The following CCDC77 variants were observed in gnomAD, a reference collection of about 807,000 sequenced individuals.
The protein encoded by CCDC77 is coiled-coil domain containing 77.
CCDC77 carries 56 observed loss-of-function variants against 66.8 expected under a neutral mutation model. The observed-to-expected ratio is 0.84, with a 90% CI of 0.68 to 1.05. CCDC77 has a LOEUF of 1.05. Ranked by LOEUF, CCDC77 falls within the 50% of genes least tolerant of loss-of-function variation. The probability of loss-of-function intolerance (pLI) is 0.00; values close to 1 mark genes in which losing one functional copy is unlikely to be tolerated. For synonymous variants in CCDC77, 196 were observed against 195.2 expected, an observed-to-expected ratio of 1.00 and a Z score of -0.03; for missense variants, 570 against 576.8, an observed-to-expected ratio of 0.99 and a Z score of 0.12.
At chr12:395,016 G>C (rs1944807887) in intron 1 of CCDC77, 1 of 152,154 alleles carries the variant, frequency 6.6e-6, no homozygotes. Flanking sequence ...TTTTTTTAAA[G>C]TGGAGAAAGT....
upstream of CCDC77, among the ~76,000 whole-genome samples, chr12:399,130 C>T (rs561307467): frequency 6.2e-4 from 95 of 152,148 alleles, no homozygotes; most frequent in Admixed American, 1.2e-3. Context: ...TTGCCCAGAT[C>T]CACCAGAGAA....
At chr12:418,906 C>T in intron 5 of CCDC77, 1 of 347,356 alleles carries the variant, frequency 2.9e-6, no homozygotes, top group Non-Finnish European at 5.3e-6. Context: ...GCCCTGTCAG[C>T]CACGCTGGTC....
At chr12:406,147 C>A (rs1944985521) in intron 2 of CCDC77, among the ~76,000 whole-genome samples, 2 of 152,188 alleles carry the variant, frequency 1.3e-5, no homozygotes, top group South Asian at 4.1e-4. Flanking sequence ...TGGACTCAAG[C>A]AGTCTATCCG....
upstream of CCDC77, among the ~76,000 whole-genome samples, chr12:397,722 C>T (rs191908419): frequency 2.0e-5 from 3 of 151,970 alleles, no homozygotes; most frequent in African/African-American, 7.3e-5. Flanking sequence ...TCTCAGCTCA[C>T]TGCAGCCTCT....
rs1035860738 is a variant in CCDC77, at chr12:402,159, G to A, written c.-71+475G>A. On this transcript the variant is annotated intron_variant, in intron 1 of 12. Transcript: ENST00000239830. ...AGCTATAAGAATATATCTAAGCAAG[G>A]GTATTGGAGATAGGTGCAGAGACCC... Among the ~76,000 whole-genome samples the A allele has an allele frequency of 3.3e-5, 5 of 152,280 alleles. No individual in the cohort carries two copies. In the South Asian group the frequency reaches 1.0e-3, roughly 32 times the overall value.
rs75822891 is a variant in CCDC77 at position 442,228 on chromosome 12, A to C, written c.*308A>C. The C allele has an allele frequency of 0.021, 4,395 of 212,854 alleles. 65 individuals carry two copies. The highest frequency in any genetic ancestry group is 0.039 in the Middle Eastern group (22 of 566). 13.2% of individuals were successfully genotyped at this position (212,854 alleles called of 1,614,324 possible). ...TTTGTTTTTTCAGAAGGCAGTGATG[A>C]TGAAAACTTAGGAAGAAGGTATTTT... is the stretch of plus-strand genomic sequence containing the variant. On this transcript the variant is annotated 3_prime_UTR_variant, in exon 13 of 13. Transcript: ENST00000239830.
In CCDC77 at chr12:440,847, C is replaced by T. The variant is rs189099875; in HGVS notation, c.1171C>T (p.Arg391Cys). Reference sequence around the variant, plus strand: ...CCTTCCCATTCCCCATATTTAGGATCGCACTAACAAGATGGGGAAGCGTTT... The same window carrying T: ...CCTTCCCATTCCCCATATTTAGGATTGCACTAACAAGATGGGGAAGCGTTT... ...EGMRREIFKDRTNKMGKRLQI... is the reference protein window; with the variant it reads ...EGMRREIFKDCTNKMGKRLQI... The change falls in exon 12 of 13, where the codon CGC becomes TGC. Residue 391 changes from arginine (R) to cysteine (C), a missense_variant. Physicochemically the swap from Arg to Cys is radical, Grantham distance 180. Coordinates refer to ENST00000239830, the MANE Select transcript of CCDC77 (RefSeq NM_032358.4). 318 of 1,613,380 alleles carry T rather than the reference C, an allele frequency of 2.0e-4. No individual in the cohort carries two copies. The Middle Eastern group carries it at 2.1e-3, about 11-fold the overall frequency.
rs1391610978 is a variant in CCDC77, at chr12:418,502, TG to T, written c.280del (p.Glu94AsnfsTer18). On this transcript the variant is annotated frameshift_variant, in exon 5 of 13. Transcript: ENST00000239830. LOFTEE classifies it high-confidence loss of function. ...KEACEGQHKL[E>X]CDLQQREEEI... The stretch of plus-strand genomic sequence containing the variant: ...TTGTGGTTTTTTTGCAGCATAAACT[TG>T]AATGTGATTTGCAGCAGAGGGAGGA... 4.3e-6 allele frequency: 7 copies of T among 1,614,034 alleles called. No individual in the cohort carries two copies. The highest frequency in any genetic ancestry group is 4.2e-6 in the Non-Finnish European group (5 of 1,179,990).
intron 5 of CCDC77, among the ~76,000 whole-genome samples, chr12:420,198 AT>A (rs869309821): frequency 6.9e-3 from 76 of 11,024 alleles, no homozygotes; most frequent in Non-Finnish European, 7.7e-3. Flanking sequence ...GAGAGGGTAA[AT>A]ACACACATAG....
chr12:431,079 A>AC (rs1249902306), intron 7 of CCDC77, among the ~76,000 whole-genome samples: 3 of 151,436 alleles, frequency 2.0e-5, no homozygotes, highest in African/African-American at 4.9e-5. Flanking sequence ...AAAAAAAAAA[A>AC]AAAAAACAGA....
At chr12:402,092 A>C (rs12582581) in intron 1 of CCDC77, among the ~76,000 whole-genome samples, 9,974 of 152,294 alleles carry the variant, frequency 0.065, 696 homozygotes, top group African/African-American at 0.18. Context: ...GCTAAAAGAA[A>C]AAAATTCAAA....
intron 4 of CCDC77, among the ~76,000 whole-genome samples, chr12:412,797 C>G (rs1248815190): frequency 6.6e-6 from 1 of 152,190 alleles, no homozygotes; most frequent in Non-Finnish European, 1.5e-5. Context: ...GCTTTCCTCT[C>G]CTTCCACATC....
At chr12:408,592 C>T (rs758273955) in intron 2 of CCDC77, among the ~76,000 whole-genome samples, 2 of 152,030 alleles carry the variant, frequency 1.3e-5, no homozygotes, top group African/African-American at 2.4e-5. Flanking sequence ...GCCTTGAACT[C>T]CTGGGCTCAA....
Position 441,920 on chromosome 12 carries a change from A to C in CCDC77, c.1467A>C (p.Ter489TyrextTer10). ...TGGAGAATGAACTTAGACTCTGTTA[A>C]TGTCTACTTTTGGAAATGGCCCCCA... ...FGLENELRLC[*>Y] The change falls in exon 13 of 13, where the codon TAA becomes TAC. Residue 489 changes from the stop codon to tyrosine (Y), a stop_lost. Coordinates refer to ENST00000239830, the MANE Select transcript of CCDC77 (RefSeq NM_032358.4). 1 of 1,613,906 alleles carries C rather than the reference A, an allele frequency of 6.2e-7. No homozygotes were observed. Among genetic ancestry groups the C allele is most frequent in the Non-Finnish European group, 8.5e-7 (1 of 1,179,940 alleles).
At chr12:440,498 TTA>T (rs1945838096) in intron 10 of CCDC77, 117 bp from the exon 11 acceptor site, 2 of 1,159,852 alleles carry the variant, frequency 1.7e-6, no homozygotes, top group East Asian at 5.0e-5. Context: ...ATCTGGTTCC[TTA>T]ACTCATTTTG....
At chr12:430,863 G>A (rs1945636273) in intron 7 of CCDC77, 127 bp downstream of exon 7, 2 of 710,210 alleles carry the variant, frequency 2.8e-6, no homozygotes, top group Admixed American at 1.9e-5. Context: ...TGGATCACCT[G>A]AGGTCAGGAG....
intron 10 of CCDC77, among the ~76,000 whole-genome samples, chr12:439,242 A>G (rs1945815291): frequency 6.6e-6 from 1 of 152,154 alleles, no homozygotes; most frequent in African/African-American, 2.4e-5. Flanking sequence ...AGATTAGGCC[A>G]GACGCGATGG....
intron 6 of CCDC77, among the ~76,000 whole-genome samples, chr12:430,213 G>C (rs1342774184): frequency 1.3e-5 from 2 of 151,936 alleles, no homozygotes; most frequent in Non-Finnish European, 2.9e-5. Flanking sequence ...GGCTGGTCTT[G>C]AACTCCCGAC....
exon 1 of CCDC77, chr12:389,372 C>T (rs1489276959): frequency 1.7e-6 from 1 of 594,228 alleles, no homozygotes; most frequent in Non-Finnish European, 3.0e-6. Flanking sequence ...CTGCACGACG[C>T]CTGTGTGTCT....
Sources: allele counts gnomAD v4.1 joint callset (sites outside exome capture counted in the v4.1 genomes callset), GRCh38; gene constraint gnomAD v4.1.1; transcripts MANE v1.5; gene names NCBI Gene and HGNC (gene_info 2026-07-23, HGNC 2026-07-21).